CLASP1: variants seen among roughly 807,000 people sequenced by gnomAD.
CLASP1 encodes cytoplasmic linker associated protein 1, also known as CLIP-associating protein 1.
Under a neutral mutation model 192.3 loss-of-function variants are expected in CLASP1, and 38 were observed. That is an observed-to-expected ratio of 0.20 (90% CI 0.15 to 0.26). CLASP1 has a LOEUF of 0.26. Among genes scored for constraint, CLASP1 ranks in the 10% least tolerant of loss-of-function variants. The pLI, the probability that CLASP1 is intolerant of heterozygous loss-of-function variation, is 1.00. For synonymous variants in CLASP1, 691 were observed against 712.8 expected (o/e 0.97, Z 0.49); for missense variants, 1,433 against 1,932.5 (o/e 0.74, Z 4.85).
At chr2:121,385,842 C>T (rs951095965) in intron 32 of CLASP1, among the ~76,000 whole-genome samples, 1 of 152,128 alleles carries the variant, frequency 6.6e-6, no homozygotes, top group African/African-American at 2.4e-5. Flanking sequence ...ACCACTGTAC[C>T]ATCATATTCA....
intron 7 of CLASP1, among the ~76,000 whole-genome samples, chr2:121,511,601 AAG>A (rs1032891733): frequency 1.0e-4 from 15 of 149,776 alleles, no homozygotes; most frequent in Middle Eastern, 3.4e-3. Flanking sequence ...AAAAAAAAAA[AAG>A]AGAGAGAGAG....
At chr2:121,394,824 G>A (rs1210796431) in intron 30 of CLASP1, among the ~76,000 whole-genome samples, 5 of 152,214 alleles carry the variant, frequency 3.3e-5, no homozygotes, top group Admixed American at 3.3e-4. Flanking sequence ...AGGTTGCAGT[G>A]AGCCGAGATC....
chr2:121,464,089 T>A (rs1293845219), intron 9 of CLASP1, among the ~76,000 whole-genome samples: 2 of 149,896 alleles, frequency 1.3e-5, no homozygotes, highest in African/African-American at 4.9e-5. Context: ...AGTGAGCATA[T>A]GCGGTGTTTG....
intron 19 of CLASP1, among the ~76,000 whole-genome samples, chr2:121,443,198 G>A (rs78323944): frequency 0.013 from 2,032 of 151,008 alleles, 41 homozygotes; most frequent in African/African-American, 0.046. Context: ...TCTCCCAGAA[G>A]AAGGAAAAAC....
chr2:121,385,049 T>C (rs1192660472), intron 32 of CLASP1, among the ~76,000 whole-genome samples: 2 of 152,194 alleles, frequency 1.3e-5, no homozygotes, highest in Admixed American at 6.5e-5. Flanking sequence ...TGAGATTATA[T>C]ACAACAGATC....
chr2:121,637,937 T>A (rs2071211165), intron 1 of CLASP1, among the ~76,000 whole-genome samples: 1 of 150,526 alleles, frequency 6.6e-6, no homozygotes, highest in African/African-American at 2.4e-5. Flanking sequence ...ATCCTTCCTG[T>A]AAGAGATAAC....
intron 8 of CLASP1, among the ~76,000 whole-genome samples, chr2:121,499,337 T>C (rs1463059328): frequency 2.0e-5 from 3 of 152,282 alleles, no homozygotes; most frequent in East Asian, 3.9e-4. Flanking sequence ...AAATATTGTA[T>C]GATTCCAATT....
At chr2:121,548,030 C>T (rs773172902) in intron 2 of CLASP1, among the ~76,000 whole-genome samples, 7 of 152,142 alleles carry the variant, frequency 4.6e-5, no homozygotes, top group African/African-American at 7.2e-5. Flanking sequence ...TCCCAACAAC[C>T]ACACCAGTTC....
chr2:121,534,624 G>A (rs1575762965), intron 2 of CLASP1, among the ~76,000 whole-genome samples: 2 of 151,712 alleles, frequency 1.3e-5, no homozygotes, highest in Non-Finnish European at 2.9e-5. Flanking sequence ...TGCAACCTCC[G>A]CCTCCCGGGT....
chr2:121,516,495 A>G (rs1361962727), intron 6 of CLASP1, among the ~76,000 whole-genome samples: 1 of 152,244 alleles, frequency 6.6e-6, no homozygotes, highest in South Asian at 2.1e-4. Context: ...CTTCAGGAAG[A>G]GGAAGTACGC....
intron 2 of CLASP1, among the ~76,000 whole-genome samples, chr2:121,557,399 C>T (rs183995996): frequency 5.3e-4 from 80 of 151,532 alleles, no homozygotes; most frequent in African/African-American, 1.9e-3. Flanking sequence ...GCCTGGCCAA[C>T]ATGGTGAAAC....
At chr2:121,365,151 C>A in exon 36 of CLASP1, 1 of 1,613,916 alleles carries the variant, frequency 6.2e-7, no homozygotes. Context: ...AGTGCTCCTC[C>A]CAGACACCAA....
chr2:121,461,055 T>TAAATATCTC, intron 11 of CLASP1, 46 bp downstream of exon 11: 1 of 1,138,294 alleles, frequency 8.8e-7, no homozygotes, highest in Non-Finnish European at 1.3e-6. Flanking sequence ...TTGAGATATT[T>TAAATATCTC]AAATACATCT....
chr2:121,478,686 C>G (rs1320280552), intron 8 of CLASP1, among the ~76,000 whole-genome samples: 1 of 62,892 alleles, frequency 1.6e-5, no homozygotes, highest in Non-Finnish European at 3.4e-5. Flanking sequence ...ACACACACAC[C>G]CCACACACAC....
chr2:121,387,274 G>C (rs2073428578), intron 31 of CLASP1, 46 bp from the exon 33 acceptor site: 4 of 1,238,438 alleles, frequency 3.2e-6, no homozygotes, highest in East Asian at 2.5e-5. Flanking sequence ...GCTGTATATA[G>C]AATATATTCT....
At chr2:121,503,374 CTCAA>C (rs2093824802) in intron 7 of CLASP1, 140 bp from the exon 8 acceptor site, 1 of 598,120 alleles carries the variant, frequency 1.7e-6, no homozygotes, top group Admixed American at 2.9e-5. Context: ...AAAACAGTGA[CTCAA>C]TCAATAACAT....
At chr2:121,386,457 A>C (rs11122854) in intron 32 of CLASP1, among the ~76,000 whole-genome samples, 1 of 152,210 alleles carries the variant, frequency 6.6e-6, no homozygotes, top group Non-Finnish European at 1.5e-5. Flanking sequence ...GCCCATGTGA[A>C]GGGGTCACTA....
In CLASP1 at chr2:121,538,031, C is replaced by CT. The variant is rs552686614; in HGVS notation, c.196-7707dup. 1.7e-4 allele frequency among the ~76,000 whole-genome samples: 26 copies of CT among 152,274 alleles called. 2 individuals are homozygous for CT. The South Asian group carries it at 5.4e-3, about 32-fold the overall frequency. On this transcript the variant is annotated intron_variant, in intron 2 of 39. Coordinates refer to ENST00000263710, the Ensembl canonical transcript of CLASP1. ...TGATGAAATGCTGAAAGCTTTCTCT[C>CT]TGAGACTGGAACACGACAAAAATAT...
chr2:121,647,296 A>C (rs1337337501), intron 1 of CLASP1, among the ~76,000 whole-genome samples: 1 of 152,184 alleles, frequency 6.6e-6, no homozygotes, highest in Non-Finnish European at 1.5e-5. Context: ...TGAACCCAGG[A>C]GGTGGAGGTT....
Sources: allele counts gnomAD v4.1 joint callset (sites outside exome capture counted in the v4.1 genomes callset), GRCh38; gene constraint gnomAD v4.1.1; transcripts MANE v1.5; gene names NCBI Gene and HGNC (gene_info 2026-07-23, HGNC 2026-07-21).